ABL1: variants seen among roughly 807,000 people sequenced by gnomAD.
ABL1 encodes ABL proto-oncogene 1, non-receptor tyrosine kinase, also known as tyrosine-protein kinase ABL1.
Under a neutral mutation model 94.7 loss-of-function variants are expected in ABL1, and 11 were observed. The ratio of observed to expected loss-of-function variants is 0.12; its 90% confidence interval spans 0.07 to 0.19. ABL1 has a LOEUF of 0.19. Ranked by LOEUF, ABL1 falls within the 10% of genes least tolerant of loss-of-function variation. ABL1 has a pLI of 1.00. For missense variants in ABL1, 1,082 were observed against 1,489.4 expected, an observed-to-expected ratio of 0.73 and a Z score of 4.50; for synonymous variants, 656 against 622.4, an observed-to-expected ratio of 1.05 and a Z score of -0.80.
intron 1 of ABL1, among the ~76,000 whole-genome samples, chr9:130,717,999 C>T (rs13292168): frequency 1.7e-4 from 23 of 137,178 alleles, no homozygotes; most frequent in South Asian, 1.2e-3. Context: ...GCAACAAGAG[C>T]GAAACTCTTG....
In ABL1 at chr9:130,872,979, A is replaced by T; in HGVS notation, c.1027A>T (p.Met343Leu). 1.2e-6 allele frequency: 2 copies of T among 1,614,154 alleles called. No individual in the cohort carries two copies. Among genetic ancestry groups the T allele is most frequent in the Non-Finnish European group, 1.7e-6 (2 of 1,180,034 alleles). The change falls in exon 6 of 11, where the codon ATG becomes TTG. Residue 343 changes from methionine (M) to leucine (L), a missense_variant. Met to Leu is a conservative substitution (Grantham distance 15, BLOSUM62 2). Coordinates refer to ENST00000318560, the MANE Select transcript of ABL1 (RefSeq NM_005157.6). This position sits in a 1 kb window ranked among gnomAD's most constrained non-coding sequence, Gnocchi z 5.0. ...GGTGAACGCCGTGGTGCTGCTGTAC[A>T]TGGCCACTCAGATCTCGTCAGCCAT... is the stretch of plus-strand genomic sequence containing the variant. ...QEVNAVVLLY[M>L]ATQISSAMEY... is the part of the protein sequence containing the mutation.
At chr9:130,780,544 T>G (rs1829742864) in intron 1 of ABL1, among the ~76,000 whole-genome samples, 1 of 152,238 alleles carries the variant, frequency 6.6e-6, no homozygotes. Context: ...ACCTCGTATC[T>G]GTACTCGTAC....
rs1325995313 is a variant in ABL1, at chr9:130,884,350, G to A, written c.2060G>A (p.Trp687Ter). Residue 687 changes from tryptophan to a stop codon, truncating the protein, a stop_gained, in exon 11 of 11, where the codon TGG (tryptophan) becomes TAG (stop). Coordinates refer to ENST00000318560, the MANE Select transcript of ABL1 (RefSeq NM_005157.6). LOFTEE classifies it high-confidence loss of function. The surrounding 1 kb of genome is among the most constrained non-coding windows in gnomAD (Gnocchi z 5.6). The part of the protein sequence containing the change: ...GGSGFRSPHL[W>*]KKSSTLTSSR... ...TCAGGCTTCCGGTCTCCCCACCTGT[G>A]GAAGAAGTCCAGCACGCTGACCAGC... is the stretch of plus-strand genomic sequence containing the variant. The A allele has an allele frequency of 6.2e-7, 1 of 1,612,144 alleles. No individual in the cohort carries two copies. Among genetic ancestry groups the A allele is most frequent in the Admixed American group, 1.7e-5 (1 of 59,996 alleles).
chr9:130,729,041 C>G (rs760213503), intron 1 of ABL1, among the ~76,000 whole-genome samples: 1 of 152,092 alleles, frequency 6.6e-6, no homozygotes, highest in African/African-American at 2.4e-5. Context: ...AGTGACTGGT[C>G]GTTAAGTTAG....
At chr9:130,804,904 T>C (rs1162374307) in intron 1 of ABL1, among the ~76,000 whole-genome samples, 1 of 152,218 alleles carries the variant, frequency 6.6e-6, no homozygotes, top group Admixed American at 6.5e-5. Flanking sequence ...CCAGCTCATA[T>C]TAAGTAGGGG....
intron 1 of ABL1, among the ~76,000 whole-genome samples, chr9:130,768,408 G>A (rs570081968): frequency 2.3e-4 from 35 of 152,328 alleles, no homozygotes; most frequent in Admixed American, 6.5e-4. Flanking sequence ...AGCCAGTGAC[G>A]ACTAGCTGTG....
intron 1 of ABL1, among the ~76,000 whole-genome samples, chr9:130,738,006 G>A (rs949056972): frequency 1.3e-5 from 2 of 151,696 alleles, no homozygotes; most frequent in Non-Finnish European, 2.9e-5. Context: ...AATTTTTTGC[G>A]TTTTTAATAG....
chr9:130,821,837 ATTATTTT>A (rs1830366480), intron 1 of ABL1, among the ~76,000 whole-genome samples: 2 of 12,882 alleles, frequency 1.6e-4, no homozygotes, highest in African/African-American at 3.7e-4. Flanking sequence ...TATTATTATT[ATTATTTT>A]TTTTTTTTTT....
chr9:130,828,182 C>T (rs751939349), intron 1 of ABL1, among the ~76,000 whole-genome samples: 3 of 152,004 alleles, frequency 2.0e-5, no homozygotes, highest in Non-Finnish European at 2.9e-5. Flanking sequence ...CCTGCCTCAG[C>T]CCCCCAAGCA....
chr9:130,826,261 C>T (rs1830422954), intron 1 of ABL1, among the ~76,000 whole-genome samples: 1 of 151,950 alleles, frequency 6.6e-6, no homozygotes, highest in African/African-American at 2.4e-5. Context: ...GCTGGGATTA[C>T]AGGCACACAC....
chr9:130,757,796 C>T (rs763681522), intron 1 of ABL1, among the ~76,000 whole-genome samples: 8 of 152,100 alleles, frequency 5.3e-5, no homozygotes, highest in Non-Finnish European at 1.2e-4. Flanking sequence ...CCGCCTCGGC[C>T]TCCCAAAGTG....
At position 130,862,169 on chromosome 9, in the gene ABL1, A is replaced by G. The variant is rs1422310635; in HGVS notation, c.550-594A>G. Among the ~76,000 whole-genome samples, 1 of 152,158 alleles carries G rather than the reference A, an allele frequency of 6.6e-6. No individual in the cohort carries two copies. The highest frequency in any genetic ancestry group is 1.5e-5 in the Non-Finnish European group (1 of 68,024). ...TTCTTCGCTTTTCCTACCAGCAACT[A>G]CCCACCAAGTTCTACCATGTGTTAA... On this transcript the variant is annotated intron_variant, in intron 3 of 10. Coordinates refer to ENST00000318560, the MANE Select transcript of ABL1 (RefSeq NM_005157.6). This position sits in a 1 kb window ranked among gnomAD's most constrained non-coding sequence, Gnocchi z 5.5.
At chr9:130,724,212 T>C (rs979048436) in intron 1 of ABL1, among the ~76,000 whole-genome samples, 1 of 152,176 alleles carries the variant, frequency 6.6e-6, no homozygotes, top group Non-Finnish European at 1.5e-5. Context: ...TCAAGTAAAC[T>C]GTAAGCTTGT....
rs1367237385 is a variant in ABL1, at chr9:130,862,145, T to C, written c.550-618T>C. 2.0e-5 allele frequency among the ~76,000 whole-genome samples: 3 copies of C among 152,246 alleles called. No individual in the cohort carries two copies. Among genetic ancestry groups the C allele is most frequent in the Non-Finnish European group, 4.4e-5 (3 of 68,042 alleles). On this transcript the variant is annotated intron_variant, in intron 3 of 10. Coordinates refer to ENST00000318560, the MANE Select transcript of ABL1 (RefSeq NM_005157.6). This position sits in a 1 kb window ranked among gnomAD's most constrained non-coding sequence, Gnocchi z 5.5. ...CCTTTAAATTATAAATTAAATGAATTCTTCGCTTTTCCTACCAGCAACTAC... is the reference window on the plus strand; with the variant it reads ...CCTTTAAATTATAAATTAAATGAATCCTTCGCTTTTCCTACCAGCAACTAC...
intron 1 of ABL1, among the ~76,000 whole-genome samples, chr9:130,729,875 ACAG>A (rs1424140327): frequency 6.7e-6 from 1 of 148,834 alleles, no homozygotes; most frequent in Non-Finnish European, 1.5e-5. Context: ...AGCTGGGACT[ACAG>A]GCATGCACCA....
rs984388140 is a variant in ABL1 at position 130,814,738 on chromosome 9, G to T, written c.137-39326G>T. 1.3e-5 allele frequency among the ~76,000 whole-genome samples: 2 copies of T among 152,144 alleles called. No individual in the cohort carries two copies. The highest frequency in any genetic ancestry group is 2.1e-4 in the South Asian group (1 of 4,818). On this transcript the variant is annotated intron_variant, in intron 1 of 10. Coordinates refer to the ABL1 transcript ENST00000372348. This position sits in a 1 kb window ranked among gnomAD's most constrained non-coding sequence, Gnocchi z 4.4. The stretch of plus-strand genomic sequence containing the variant: ...TAAAAATACAAAAAATTCTCCGGGC[G>T]TGGTGGCGGGCGCCTGTAGTCCCAG...
chr9:130,797,301 C>T (rs1033007181), intron 1 of ABL1, among the ~76,000 whole-genome samples: 6 of 140,060 alleles, frequency 4.3e-5, no homozygotes, highest in Admixed American at 7.5e-5. Context: ...CATATTCTAT[C>T]GTAAGATTTA....
At chr9:130,817,948 C>A (rs534981240) in intron 1 of ABL1, among the ~76,000 whole-genome samples, 1 of 152,210 alleles carries the variant, frequency 6.6e-6, no homozygotes, top group East Asian at 1.9e-4. Context: ...CATTTCTCTT[C>A]GGTAAATAAT....
intron 4 of ABL1, among the ~76,000 whole-genome samples, chr9:130,865,319 G>GA (rs1258248915): frequency 2.0e-5 from 3 of 152,212 alleles, no homozygotes; most frequent in Non-Finnish European, 4.4e-5. Flanking sequence ...TGTGTTAACT[G>GA]AAAATACGGT....
Sources: gnomAD v4.1 joint callset for allele counts (sites outside exome capture counted in the v4.1 genomes callset) on GRCh38, gnomAD v4.1.1 for gene constraint, Gnocchi (gnomAD v3.1) non-coding constraint, MANE v1.5 for transcripts, NCBI Gene and HGNC (gene_info 2026-07-23, HGNC 2026-07-21) for gene names.